Variants in KAZN observed in about 807,000 individuals in gnomAD.
KAZN encodes the protein kazrin, periplakin interacting protein.
A neutral mutation model predicts 87.4 loss-of-function variants in KAZN; 40 were observed. That is an observed-to-expected ratio of 0.46 (90% CI 0.36 to 0.60). The LOEUF (loss-of-function observed/expected upper bound fraction) is 0.60, where lower values mean the gene tolerates loss of function less well. Among genes scored for constraint, KAZN ranks in the 20% least tolerant of loss-of-function variants. The pLI is 0.00. For synonymous variants in KAZN, 466 were observed against 458.3 expected (o/e 1.02, Z -0.22); for missense variants, 898 against 1,073.9 (o/e 0.84, Z 2.29).
At chr1:14,842,321 C>T (rs1424077313) in intron 1 of KAZN, among the ~76,000 whole-genome samples, 1 of 152,168 alleles carries the variant, frequency 6.6e-6, no homozygotes, top group East Asian at 1.9e-4. Flanking sequence ...GGATCCATAT[C>T]TGTGGTAGTG....
At chr1:14,980,762 G>A (rs1666161214) in intron 2 of KAZN, among the ~76,000 whole-genome samples, 1 of 152,292 alleles carries the variant, frequency 6.6e-6, no homozygotes, top group South Asian at 2.1e-4. Context: ...ACGGCAGGAA[G>A]CCGAGGCAGA....
intron 1 of KAZN, among the ~76,000 whole-genome samples, chr1:14,864,564 A>G (rs1219170770): frequency 6.6e-6 from 1 of 152,162 alleles, no homozygotes; most frequent in East Asian, 1.9e-4. Context: ...TCAGTCTCTA[A>G]AAGAAAAAAC....
intron 1 of KAZN, among the ~76,000 whole-genome samples, chr1:14,830,665 G>A (rs1054987163): frequency 1.3e-5 from 2 of 152,180 alleles, no homozygotes; most frequent in African/African-American, 4.8e-5. Context: ...GAGAGAAAGA[G>A]AGTGAAGGGG....
intron 2 of KAZN, among the ~76,000 whole-genome samples, chr1:15,031,402 C>G (rs142782885): frequency 6.6e-6 from 1 of 152,206 alleles, no homozygotes; most frequent in Non-Finnish European, 1.5e-5. Flanking sequence ...AGGAAAAGGA[C>G]GGAGTGCTAG....
intron 1 of KAZN, among the ~76,000 whole-genome samples, chr1:14,625,743 CG>C (rs1469645465): frequency 6.6e-6 from 1 of 152,122 alleles, no homozygotes; most frequent in African/African-American, 2.4e-5. Context: ...TGAAAGAGGG[CG>C]GGAGGTTTGT....
intron 2 of KAZN, among the ~76,000 whole-genome samples, chr1:14,514,008 C>T (rs1181762429): frequency 6.6e-6 from 1 of 151,580 alleles, no homozygotes; most frequent in Non-Finnish European, 1.5e-5. Context: ...GAGGCATAAG[C>T]ACCAGCTGAG....
At chr1:14,868,163 G>A (rs1429296375) in intron 1 of KAZN, among the ~76,000 whole-genome samples, 1 of 151,962 alleles carries the variant, frequency 6.6e-6, no homozygotes, top group African/African-American at 2.4e-5. Context: ...CATCGCATAG[G>A]CGGGCATCGC....
chr1:14,003,745 A>G (rs1639916236), intron 1 of KAZN, among the ~76,000 whole-genome samples: 1 of 152,184 alleles, frequency 6.6e-6, no homozygotes, highest in Non-Finnish European at 1.5e-5. Flanking sequence ...CAAAACAGAA[A>G]CAAAACCAGA....
At chr1:14,308,622 C>G (rs529900446) in intron 2 of KAZN, among the ~76,000 whole-genome samples, 1 of 152,224 alleles carries the variant, frequency 6.6e-6, no homozygotes, top group East Asian at 1.9e-4. Flanking sequence ...CTGGATCTGC[C>G]AAGTACTGGC....
intron 1 of KAZN, among the ~76,000 whole-genome samples, chr1:14,722,211 G>A (rs1281738756): frequency 6.6e-6 from 1 of 152,012 alleles, no homozygotes; most frequent in Admixed American, 6.6e-5. Context: ...GACATGGAGA[G>A]ATGACCAGGA....
At chr1:15,041,488 C>A (rs1407696677) in intron 3 of KAZN, among the ~76,000 whole-genome samples, 1 of 151,844 alleles carries the variant, frequency 6.6e-6, no homozygotes, top group Non-Finnish European at 1.5e-5. Flanking sequence ...CAGGCATGCA[C>A]CACCACGCCC....
intron 1 of KAZN, among the ~76,000 whole-genome samples, chr1:14,060,030 G>A (rs556241306): frequency 1.3e-5 from 2 of 152,098 alleles, no homozygotes; most frequent in Non-Finnish European, 2.9e-5. Flanking sequence ...TCTCACCACT[G>A]TCTATTAAAA....
intron 2 of KAZN, among the ~76,000 whole-genome samples, chr1:14,445,783 A>G (rs1343543676): frequency 6.6e-6 from 1 of 152,178 alleles, no homozygotes; most frequent in East Asian, 1.9e-4. Context: ...GATCCCAGCC[A>G]AGATGAGAGG....
At chr1:15,006,792 C>T (rs1450990542) in intron 2 of KAZN, among the ~76,000 whole-genome samples, 3 of 152,054 alleles carry the variant, frequency 2.0e-5, no homozygotes, top group East Asian at 1.9e-4. Flanking sequence ...CGCGGTGGCT[C>T]ACGCCTGTAA....
At chr1:14,265,162 A>G (rs1299298738) in intron 2 of KAZN, among the ~76,000 whole-genome samples, 1 of 152,152 alleles carries the variant, frequency 6.6e-6, no homozygotes, top group African/African-American at 2.4e-5. Flanking sequence ...CATTATTCCA[A>G]ATTAGTAGGT....
chr1:14,564,817 A>AT (rs1346631423), intron 2 of KAZN, among the ~76,000 whole-genome samples: 1 of 152,184 alleles, frequency 6.6e-6, no homozygotes, highest in African/African-American at 2.4e-5. Flanking sequence ...CGTCTCAAAA[A>AT]ATATATATAA....
At chr1:14,082,626 A>C (rs1230343947) in intron 1 of KAZN, among the ~76,000 whole-genome samples, 1 of 152,208 alleles carries the variant, frequency 6.6e-6, no homozygotes. Context: ...TCTTCGGGCC[A>C]AGTCCGAGCA....
intron 13 of KAZN, chr1:15,111,990 G>A (rs1641642420): frequency 6.3e-6 from 1 of 159,792 alleles, no homozygotes; most frequent in South Asian, 1.9e-4. Context: ...CAAATTCAGA[G>A]CAGGGGAGAC....
At chr1:14,565,770 T>C (rs1335485961) in intron 2 of KAZN, among the ~76,000 whole-genome samples, 1 of 152,218 alleles carries the variant, frequency 6.6e-6, no homozygotes, top group Non-Finnish European at 1.5e-5. Flanking sequence ...GCCACTTTCT[T>C]TGCTCTTCCA....
Sources: allele counts gnomAD v4.1 joint callset (sites outside exome capture counted in the v4.1 genomes callset), GRCh38; gene constraint gnomAD v4.1.1; transcripts MANE v1.5; gene names NCBI Gene and HGNC (gene_info 2026-07-23, HGNC 2026-07-21).